ZFHX3: variants seen among roughly 807,000 people sequenced by gnomAD.
ZFHX3 encodes zinc finger homeobox protein 3.
Under a neutral mutation model 279.1 loss-of-function variants are expected in ZFHX3, and 42 were observed. The observed-to-expected ratio is 0.15, with a 90% CI of 0.12 to 0.19. The LOEUF is 0.19. ZFHX3 is among the 10% of genes least tolerant of loss of function. ZFHX3 has a pLI of 1.00. For synonymous variants in ZFHX3, 2,293 were observed against 1,957.8 expected, an observed-to-expected ratio of 1.17 and a Z score of -4.52; for missense variants, 4,981 against 4,754.0, an observed-to-expected ratio of 1.05 and a Z score of -1.40.
At chr16:73,328,107 C>T (rs1597286165) in intron 3 of ZFHX3, among the ~76,000 whole-genome samples, 1 of 152,006 alleles carries the variant, frequency 6.6e-6, no homozygotes, top group East Asian at 1.9e-4. Flanking sequence ...GGCAGAGCAA[C>T]TCAGGGTCTT....
chr16:73,288,370 A>C (rs1384545308), intron 4 of ZFHX3, among the ~76,000 whole-genome samples: 1 of 152,128 alleles, frequency 6.6e-6, no homozygotes, highest in Non-Finnish European at 1.5e-5. Flanking sequence ...TATTAGCGTA[A>C]AAAGGAAAAA....
chr16:73,331,624 G>A (rs1366853282), intron 3 of ZFHX3, among the ~76,000 whole-genome samples: 2 of 152,136 alleles, frequency 1.3e-5, no homozygotes, highest in Non-Finnish European at 2.9e-5. Context: ...CATTCGCAGT[G>A]GTGAGAATGC....
At chr16:73,702,304 G>A (rs2053256118) in intron 1 of ZFHX3, among the ~76,000 whole-genome samples, 1 of 152,090 alleles carries the variant, frequency 6.6e-6, no homozygotes, top group African/African-American at 2.4e-5. Context: ...AGAAGGGGCT[G>A]CCTGGGGGCT....
intron 3 of ZFHX3, among the ~76,000 whole-genome samples, chr16:73,392,709 G>C (rs1047871771): frequency 6.6e-6 from 1 of 152,098 alleles, no homozygotes; most frequent in African/African-American, 2.4e-5. Context: ...ATTTCACCAC[G>C]AGTTCCTCTG....
At chr16:73,319,253 G>A (rs757221294) in intron 3 of ZFHX3, among the ~76,000 whole-genome samples, 47 of 152,028 alleles carry the variant, frequency 3.1e-4, no homozygotes, top group Admixed American at 6.6e-4. Flanking sequence ...GAGAAGGTTA[G>A]GAGCATCAAA....
At chr16:73,152,223 C>A (rs1197420000) in intron 5 of ZFHX3, among the ~76,000 whole-genome samples, 1 of 152,204 alleles carries the variant, frequency 6.6e-6, no homozygotes, top group Non-Finnish European at 1.5e-5. Context: ...ATATAATATA[C>A]AGCCTGTTAG....
intron 5 of ZFHX3, among the ~76,000 whole-genome samples, chr16:73,197,097 T>TC (rs533501936): frequency 2.0e-5 from 3 of 151,600 alleles, no homozygotes; most frequent in East Asian, 1.9e-4. Context: ...TGTTAAACAA[T>TC]CCCCCCCTTC....
chr16:73,257,089 A>G (rs572220814), exon 5 of ZFHX3: 1 of 152,348 alleles, frequency 6.6e-6, no homozygotes, highest in East Asian at 1.9e-4. Context: ...CAAGGACTCA[A>G]AGTTGTCCTG....
intron 2 of ZFHX3, chr16:73,679,572 T>A (rs1444846438): frequency 6.6e-6 from 1 of 152,146 alleles, no homozygotes; most frequent in Non-Finnish European, 1.5e-5. Flanking sequence ...ATAGTACAAT[T>A]TTCTGGTGAG....
intron 3 of ZFHX3, among the ~76,000 whole-genome samples, chr16:73,376,205 A>G (rs960815336): frequency 6.6e-6 from 1 of 152,184 alleles, no homozygotes; most frequent in African/African-American, 2.4e-5. Flanking sequence ...TTTTTGTTAT[A>G]GAATCAGCAG....
chr16:73,026,940 C>T (rs1964533781), intron 1 of ZFHX3, among the ~76,000 whole-genome samples: 1 of 152,168 alleles, frequency 6.6e-6, no homozygotes, highest in Non-Finnish European at 1.5e-5. Flanking sequence ...GCAAACTTTT[C>T]CCATAAAGAG....
intron 4 of ZFHX3, among the ~76,000 whole-genome samples, chr16:73,301,833 G>A (rs966228628): frequency 6.7e-6 from 1 of 148,420 alleles, no homozygotes; most frequent in African/African-American, 2.5e-5. Context: ...GTGTGCATAA[G>A]CCTTTCTTAC....
chr16:73,088,578 A>G (rs1043960289), intron 8 of ZFHX3, among the ~76,000 whole-genome samples: 9 of 152,200 alleles, frequency 5.9e-5, no homozygotes, highest in African/African-American at 2.2e-4. Context: ...ACAAAGGAGA[A>G]ATGAGTGTGG....
chr16:72,869,801 T>C (rs1285953031), intron 4 of ZFHX3, among the ~76,000 whole-genome samples: 2 of 152,214 alleles, frequency 1.3e-5, no homozygotes, highest in African/African-American at 2.4e-5. Flanking sequence ...CCTCACTAGA[T>C]TCTCATTAAT....
intron 1 of ZFHX3, among the ~76,000 whole-genome samples, chr16:73,775,533 C>G (rs1474680241): frequency 6.6e-6 from 1 of 152,152 alleles, no homozygotes; most frequent in Non-Finnish European, 1.5e-5. Context: ...ATGCTATTTC[C>G]TTCACTACCT....
chr16:73,786,220 G>A (rs533299142), intron 1 of ZFHX3, among the ~76,000 whole-genome samples: 1 of 151,980 alleles, frequency 6.6e-6, no homozygotes, highest in Admixed American at 6.6e-5. Flanking sequence ...CATGGATGTG[G>A]CCTCTTCCTT....
intron 8 of ZFHX3, among the ~76,000 whole-genome samples, chr16:73,090,825 C>T (rs757410020): frequency 1.3e-4 from 20 of 149,654 alleles, no homozygotes; most frequent in Non-Finnish European, 2.7e-4. Context: ...GTGGGAGAAT[C>T]ACTTGAGCCC....
At chr16:73,343,121 A>T (rs989444615) in intron 3 of ZFHX3, among the ~76,000 whole-genome samples, 3 of 152,210 alleles carry the variant, frequency 2.0e-5, no homozygotes, top group African/African-American at 7.2e-5. Flanking sequence ...TAGTGAAGAC[A>T]TGTTTTTTTC....
chr16:73,675,195 T>A lies in ZFHX3; in HGVS notation c.-1547+4985A>T, dbSNP rs949614434. ...CAGACTTGTGAGACTTTCCTGGTTC[T>A]CAAGCAAAGACAGTATTAAAGCCAT... is the stretch of plus-strand genomic sequence containing the variant. On this transcript the variant is annotated intron_variant, in intron 2 of 17. Coordinates refer to the ZFHX3 transcript ENST00000641206. Among the ~76,000 whole-genome samples the A allele has an allele frequency of 9.2e-5, 14 of 152,162 alleles. 1 individual carries two copies. Among genetic ancestry groups the A allele is most frequent in the Admixed American group, 3.9e-4 (6 of 15,278 alleles).
Sources: gnomAD v4.1 joint callset for allele counts (sites outside exome capture counted in the v4.1 genomes callset) on GRCh38, gnomAD v4.1.1 for gene constraint, MANE v1.5 for transcripts, NCBI Gene and HGNC (gene_info 2026-07-23, HGNC 2026-07-21) for gene names.